The following PCDH11X variants were observed in gnomAD, a reference collection of about 807,000 sequenced individuals.
PCDH11X encodes protocadherin 11 X-linked.
PCDH11X carries 18 observed loss-of-function variants against 53.3 expected under a neutral mutation model. That is an observed-to-expected ratio of 0.34 (90% CI 0.23 to 0.50). The LOEUF is 0.50. Ranked by LOEUF, PCDH11X falls within the 20% of genes least tolerant of loss-of-function variation. The pLI, the probability that PCDH11X is intolerant of heterozygous loss-of-function variation, is 0.98. For missense variants in PCDH11X, 570 were observed against 1,032.4 expected, an observed-to-expected ratio of 0.55 and a Z score of 6.14; for synonymous variants, 279 against 393.3, an observed-to-expected ratio of 0.71 and a Z score of 3.44.
intron 7 of PCDH11X, among the ~76,000 whole-genome samples, chrX:92,214,270 A>G (rs1309900983): frequency 8.9e-6 from 1 of 111,779 alleles, no homozygotes; most frequent in Non-Finnish European, 1.9e-5. Flanking sequence ...GCAAGAAGGA[A>G]TTTGATTAAT....
chrX:92,444,942 C>T (rs1286840745), intron 9 of PCDH11X, among the ~76,000 whole-genome samples: 1 of 95,435 alleles, frequency 1.0e-5, no homozygotes, highest in Non-Finnish European at 2.1e-5. Context: ...TTTTGATGTG[C>T]TGTCAGATTC....
chrX:92,091,585 A>G (rs1279908763), intron 6 of PCDH11X, among the ~76,000 whole-genome samples: 1 of 111,508 alleles, frequency 9.0e-6, no homozygotes, highest in Non-Finnish European at 1.9e-5. Context: ...GACATGAGAC[A>G]TTAATCAAAT....
At position 92,037,205 on chromosome X, in the gene PCDH11X, C is replaced by T. The variant is rs951397957; in HGVS notation, c.3033+157932C>T. ...GCTATTTGTCCTGATGCTGTCGCTC[C>T]CCTCACCCCCTACCTCCCAACCGGC... On this transcript the variant is annotated intron_variant, in intron 6 of 10. Transcript: ENST00000682573. Among the ~76,000 whole-genome samples the T allele has an allele frequency of 8.2e-5, 9 of 109,862 alleles. 1 individual carries two copies. Among genetic ancestry groups the T allele is most frequent in the Admixed American group, 2.9e-4 (3 of 10,282 alleles).
chrX:91,975,076 G>A (rs111626570), intron 6 of PCDH11X, among the ~76,000 whole-genome samples: 2,225 of 110,747 alleles, frequency 0.02, 45 homozygotes, highest in African/African-American at 0.068. Flanking sequence ...TAATAGGATC[G>A]CTCTTGCTGC....
chrX:92,176,408 T>G (rs2065910430), intron 6 of PCDH11X, among the ~76,000 whole-genome samples: 1 of 111,891 alleles, frequency 8.9e-6, no homozygotes, highest in Admixed American at 9.6e-5. Context: ...CAAGTTTAAC[T>G]TTCTTCTATT....
chrX:92,587,090 G>A (rs1236160180), intron 10 of PCDH11X, among the ~76,000 whole-genome samples: 18 of 106,725 alleles, frequency 1.7e-4, no homozygotes, highest in African/African-American at 6.2e-4. Flanking sequence ...TGCTGAAAGT[G>A]CAAGAGATCA....
At chrX:92,413,240 C>A in intron 9 of PCDH11X, among the ~76,000 whole-genome samples, 1 of 47,616 alleles carries the variant, frequency 2.1e-5, no homozygotes, top group South Asian at 1.4e-3. Flanking sequence ...TCTATTCATT[C>A]TTTATTTATT....
chrX:92,508,370 G>A (rs2750874), intron 10 of PCDH11X, among the ~76,000 whole-genome samples: 2 of 109,341 alleles, frequency 1.8e-5, no homozygotes, highest in African/African-American at 3.3e-5. Flanking sequence ...TTACAGGCAC[G>A]TGCCTCCACA....
intron 6 of PCDH11X, among the ~76,000 whole-genome samples, chrX:92,102,195 C>T (rs905362229): frequency 7.2e-5 from 8 of 110,920 alleles, no homozygotes; most frequent in Admixed American, 1.9e-4. Context: ...CTGAAGGAGC[C>T]GGGGAGCAGA....
rs200483803 is a variant in PCDH11X, at chrX:92,194,669, G to GTT, written c.3034-6693_3034-6692dup. 7.1e-4 allele frequency among the ~76,000 whole-genome samples: 70 copies of GTT among 98,668 alleles called. 1 individual carries two copies. Among genetic ancestry groups the GTT allele is most frequent in the East Asian group, 4.3e-3 (13 of 3,055 alleles). The allele number at this position is 98,668 out of a possible 115,157, so 85.7% of individuals were successfully genotyped here. A position where few individuals can be genotyped will look rare whatever the true frequency, so the allele number is the denominator to read the frequency against. ...ATATCATCTGAGAAATAAATATTAT[G>GTT]TTTTTTTTTTTTTTCCAGTAATGTC... On this transcript the variant is annotated intron_variant, in intron 6 of 10. Transcript: ENST00000682573.
At chrX:91,807,479 GGA>G (rs375018462) in intron 1 of PCDH11X, among the ~76,000 whole-genome samples, 31 of 108,560 alleles carry the variant, frequency 2.9e-4, no homozygotes, top group Middle Eastern at 4.7e-3. Context: ...TCTGTGAGGG[GGA>G]GAGAGAGAGA....
chrX:92,199,848 A>G (rs1345468162), intron 6 of PCDH11X, among the ~76,000 whole-genome samples: 2 of 111,812 alleles, frequency 1.8e-5, no homozygotes, highest in African/African-American at 6.5e-5. Context: ...ATAGACTTAT[A>G]CTTTTAACCA....
At chrX:92,538,262 TC>T (rs2074701513) in intron 10 of PCDH11X, among the ~76,000 whole-genome samples, 1 of 102,314 alleles carries the variant, frequency 9.8e-6, no homozygotes, top group African/African-American at 3.5e-5. Context: ...TGTATCTATA[TC>T]GGAGAAGTTT....
Position 91,800,949 on chromosome X carries a change from GGGGCAGA to G in PCDH11X, c.-378-8515_-378-8509del, listed in dbSNP as rs1338251006. On this transcript the variant is annotated intron_variant, in intron 1 of 10. Transcript: ENST00000682573. ...ATCCCAGTATTTTGGGAGGTGGAGT[GGGGCAGA>G]GAGCTTGAGCCCAGGATTTCCAGAC... 3.7e-5 allele frequency among the ~76,000 whole-genome samples: 4 copies of G among 107,793 alleles called. No homozygotes were observed. In the Admixed American group the frequency reaches 4.0e-4, roughly 11 times the overall value. The allele number at this position is 107,793 out of a possible 115,157, so 93.6% of individuals were successfully genotyped here.
intron 6 of PCDH11X, among the ~76,000 whole-genome samples, chrX:91,888,377 G>A (rs1443806246): frequency 1.8e-5 from 2 of 111,914 alleles, no homozygotes; most frequent in Non-Finnish European, 3.8e-5. Flanking sequence ...GTGGCCAGGC[G>A]CAGTAACTCT....
chrX:92,476,218 G>A lies in PCDH11X; in HGVS notation c.3367+7896G>A, dbSNP rs2073382774. Among the ~76,000 whole-genome samples, 4 of 111,453 alleles carry A rather than the reference G, an allele frequency of 3.6e-5. No homozygotes were observed. The Admixed American group carries it at 3.8e-4, about 11-fold the overall frequency. ...TTTGCTCTTCCTTGCCTTCCACCAT[G>A]ATTTTGAGGCCTCCCCAACCACGTG... On this transcript the variant is annotated intron_variant, in intron 10 of 10. Coordinates refer to ENST00000682573, the MANE Select transcript of PCDH11X (RefSeq NM_032968.5).
intron 5 of PCDH11X, among the ~76,000 whole-genome samples, chrX:91,839,154 T>C (rs1024511786): frequency 8.1e-5 from 9 of 110,490 alleles, no homozygotes; most frequent in Non-Finnish European, 1.5e-4. Flanking sequence ...GAAAATGAGT[T>C]TCAGAGTGAT....
intron 8 of PCDH11X, among the ~76,000 whole-genome samples, chrX:92,354,093 A>G (rs1179146954): frequency 9.1e-5 from 8 of 87,847 alleles, no homozygotes; most frequent in Non-Finnish European, 1.3e-4. Context: ...AAAAGATGTT[A>G]TGATTTCTTA....
chrX:92,180,690 T>G (rs2065981857), intron 6 of PCDH11X, among the ~76,000 whole-genome samples: 1 of 111,138 alleles, frequency 9.0e-6, no homozygotes, highest in Non-Finnish European at 1.9e-5. Context: ...GTGCTGTTCT[T>G]GTGATAGTGA....
Sources: gnomAD v4.1 joint callset for allele counts (sites outside exome capture counted in the v4.1 genomes callset) on GRCh38, gnomAD v4.1.1 for gene constraint, MANE v1.5 for transcripts, NCBI Gene and HGNC (gene_info 2026-07-23, HGNC 2026-07-21) for gene names.